Variants in ENTR1 observed in about 807,000 individuals in gnomAD.
ENTR1 encodes the protein endosome associated trafficking regulator 1, also known as endosome-associated-trafficking regulator 1.
A neutral mutation model predicts 47.9 loss-of-function variants in ENTR1; 47 were observed. The observed-to-expected ratio is 0.98, with a 90% CI of 0.78 to 1.25. ENTR1 has a LOEUF of 1.25. ENTR1 is among the 50% of genes most tolerant of loss of function. The pLI is 0.00. For synonymous variants in ENTR1, 290 were observed against 245.8 expected (o/e 1.18, Z -1.68); for missense variants, 668 against 570.5 (o/e 1.17, Z -1.74).
At chr9:136,404,016 T>C (rs763102581) in intron 9 of ENTR1, 39 bp downstream of exon 9, 4 of 1,552,130 alleles carry the variant, frequency 2.6e-6, no homozygotes, top group Non-Finnish European at 3.5e-6. Context: ...ATCTCACCCC[T>C]TTCCCCGCCA....
intron 3 of ENTR1, 103 bp downstream of exon 3, chr9:136,408,896 T>A: frequency 2.3e-6 from 2 of 853,852 alleles, no homozygotes; most frequent in Non-Finnish European, 3.9e-6. Context: ...TCTTTTGGGC[T>A]CCAGCTACAC....
intron 1 of ENTR1, 37 bp from the exon 2 acceptor site, chr9:136,410,276 G>A (rs1190433740): frequency 2.6e-6 from 4 of 1,552,912 alleles, no homozygotes; most frequent in East Asian, 2.4e-5. Flanking sequence ...ACTGCGTGCC[G>A]GGGCGGCCGC....
At chr9:136,407,616 C>T (rs1051729919) in intron 4 of ENTR1, 55 bp from the exon 5 acceptor site, 8 of 1,500,158 alleles carry the variant, frequency 5.3e-6, no homozygotes, top group Non-Finnish European at 7.1e-6. Context: ...ACTCGGAGCG[C>T]ATCTTCCTTT....
rs888932587 is a variant in ENTR1 at position 136,405,282 on chromosome 9, T to C, written c.894-80A>G. On this transcript the variant is annotated intron_variant, in intron 6 of 9. Coordinates refer to ENST00000357365, the MANE Select transcript of ENTR1 (RefSeq NM_001039707.2). ...ACAAAAAGATACCTCATGAGCCAGA[T>C]AAAACCCGCTAAGAGCCTGTGATGG... 4 of 1,109,636 alleles carry C rather than the reference T, an allele frequency of 3.6e-6. No homozygotes were observed. The African/African-American group carries it at 4.6e-5, about 13-fold the overall frequency. The allele number at this position is 1,109,636 out of a possible 1,614,324, so 68.7% of individuals were successfully genotyped here. A position where few individuals can be genotyped will look rare whatever the true frequency, so the allele number is the denominator to read the frequency against.
At chr9:136,408,878 C>T in intron 3 of ENTR1, 121 bp downstream of exon 3, 1 of 705,418 alleles carries the variant, frequency 1.4e-6, no homozygotes. Context: ...AATCCCACCC[C>T]CACCTGCTCT....
At chr9:136,407,753 C>G in intron 4 of ENTR1, 73 bp downstream of exon 4, 2 of 1,397,914 alleles carry the variant, frequency 1.4e-6, no homozygotes, top group Non-Finnish European at 2.0e-6. Context: ...ATGCACGATT[C>G]CTCCAAAGGA....
chr9:136,405,074 AGAG>A lies in ENTR1; in HGVS notation c.1005+14_1005+16del, dbSNP rs757722828. On this transcript the variant is annotated intron_variant, in intron 7 of 9. Transcript: ENST00000357365. ...CTGCCCCACCCAGCTCGTCCGATTC[AGAG>A]AAGAAACCCATACGGTCATCAGCTC... 7 of 1,601,728 alleles carry A rather than the reference AGAG, an allele frequency of 4.4e-6. No homozygotes were observed. In the East Asian group the frequency reaches 6.7e-5, roughly 15 times the overall value.
chr9:136,403,094 A>T (rs1189576728), intron 9 of ENTR1, among the ~76,000 whole-genome samples: 1 of 47,344 alleles, frequency 2.1e-5, no homozygotes. Context: ...GGGGGCAGAA[A>T]GGGGAGGGGT....
rs186953177 is a variant in ENTR1, at chr9:136,407,354, C to T, written c.610G>A (p.Gly204Ser). The T allele has an allele frequency of 1.8e-4, 286 of 1,607,368 alleles. No individual in the cohort carries two copies. The African/African-American group carries it at 2.8e-3, about 16-fold the overall frequency. Residue 204 changes from glycine (G) to serine (S), a missense_variant, in exon 5 of 10, where the codon GGC (glycine) becomes AGC (serine). Gly to Ser is a moderately conservative substitution (Grantham distance 56). Coordinates refer to ENST00000357365, the MANE Select transcript of ENTR1 (RefSeq NM_001039707.2). ...AGGTATGTGCTGCAGGGCGACGTGC[C>T]GGCAGGGACCCTCTCGGGGTGAGTC... The part of the protein sequence containing the change: ...EQTHPERVPA[G>S]TSPCSTYLSF...
chr9:136,406,960 C>T (rs766773577), intron 5 of ENTR1, 185 bp downstream of exon 5: 32 of 606,460 alleles, frequency 5.3e-5, no homozygotes, highest in Non-Finnish European at 7.4e-5. Flanking sequence ...CCTCTTTAGC[C>T]GGTTCTATTC....
chr9:136,402,746 A>G lies in ENTR1; in HGVS notation c.*42T>C. 7.4e-7 allele frequency: 1 copy of G among 1,355,728 alleles called. No homozygotes were observed. Among genetic ancestry groups the G allele is most frequent in the Non-Finnish European group, 1.1e-6 (1 of 947,808 alleles). The allele number at this position is 1,355,728 out of a possible 1,614,324, so 84.0% of individuals were successfully genotyped here. A position where few individuals can be genotyped will look rare whatever the true frequency, so the allele number is the denominator to read the frequency against. ...ATTTAGATCGAGCGGTGGTGACCTC[A>G]GGGTATACACGGAGCTTCATGCTGA... On this transcript the variant is annotated 3_prime_UTR_variant, in exon 10 of 10. Coordinates refer to ENST00000357365, the MANE Select transcript of ENTR1 (RefSeq NM_001039707.2).
intron 5 of ENTR1, among the ~76,000 whole-genome samples, chr9:136,406,271 C>G (rs1341839000): frequency 6.6e-6 from 1 of 151,964 alleles, no homozygotes; most frequent in African/African-American, 2.4e-5. Flanking sequence ...AGTTTGAGAC[C>G]AGCCTGGCCA....
rs1299005239 is a variant in ENTR1, at chr9:136,407,524, G to A, written c.440C>T (p.Ser147Phe). 3.1e-6 allele frequency: 5 copies of A among 1,610,406 alleles called. No homozygotes were observed. Among genetic ancestry groups the A allele is most frequent in the Non-Finnish European group, 4.2e-6 (5 of 1,179,446 alleles). ...ATACCCGCCGGTTTGGGAGGGTGGG[G>A]AGTTGTGGTCAAGTCCCAGGGAATG... ...SRHSLGLDHN[S>F]PPSQTGGYGL... Residue 147 changes from serine to phenylalanine, a missense_variant, in exon 5 of 10, where the codon TCC (serine) becomes TTC (phenylalanine). By Grantham distance (155) the Ser-to-Phe change is radical (BLOSUM62 -2). Transcript: ENST00000357365.
intron 9 of ENTR1, among the ~76,000 whole-genome samples, chr9:136,403,341 G>A: frequency 8.9e-6 from 1 of 111,942 alleles, no homozygotes; most frequent in Non-Finnish European, 1.9e-5. Context: ...AAGGGACAGG[G>A]TTCCAGGGAG....
Position 136,404,642 on chromosome 9 carries a change from TG to T in ENTR1, c.1056del (p.Ser353ValfsTer25). On this transcript the variant is annotated frameshift_variant, in exon 8 of 10. Transcript: ENST00000357365. LOFTEE classifies it high-confidence loss of function. ...CTTCCTTTAATTACCTGGAGCAAACTGATTTCCTGTTTTAGTTTCACGACGT... is the reference window on the plus strand; with the variant it reads ...CTTCCTTTAATTACCTGGAGCAAACTATTTCCTGTTTTAGTTTCACGACGT... ...ENHVVKLKQE[I>X]SLLQAQVSNF... 6.2e-7 allele frequency: 1 copy of T among 1,614,096 alleles called. No homozygotes were observed. The highest frequency in any genetic ancestry group is 1.1e-5 in the South Asian group (1 of 91,088).
At position 136,407,971 on chromosome 9, in the gene ENTR1, C is replaced by T. The variant is rs200223861; in HGVS notation, c.290-33G>A. On this transcript the variant is annotated intron_variant, in intron 3 of 9. Coordinates refer to ENST00000357365, the MANE Select transcript of ENTR1 (RefSeq NM_001039707.2). Reference sequence around the variant, plus strand: ...AACAGACATCACAAATGCATAAAGTCTACTGAAGAGCGTTGAAAGGGAACC... The same window carrying T: ...AACAGACATCACAAATGCATAAAGTTTACTGAAGAGCGTTGAAAGGGAACC... 180 of 1,401,006 alleles carry T rather than the reference C, an allele frequency of 1.3e-4. 1 individual carries two copies. Among genetic ancestry groups the T allele is most frequent in the Non-Finnish European group, 1.7e-4 (169 of 988,320 alleles). 86.8% of individuals were successfully genotyped at this position (1,401,006 alleles called of 1,614,324 possible). A position where few individuals can be genotyped will look rare whatever the true frequency, so the allele number is the denominator to read the frequency against.
rs773366881 is a variant in ENTR1, at chr9:136,407,517, G to A, written c.447C>T (p.Pro149=). ...HSLGLDHNSP[P]SQTGGYGLEY... is the part of the protein sequence containing the mutation. ...CCAGGCCATACCCGCCGGTTTGGGA[G>A]GGTGGGGAGTTGTGGTCAAGTCCCA... Residue 149 remains proline, a synonymous_variant, in exon 5 of 10, where the codon CCC becomes CCT. Transcript: ENST00000357365. 3.7e-6 allele frequency: 6 copies of A among 1,611,038 alleles called. No individual in the cohort carries two copies. The highest frequency in any genetic ancestry group is 5.1e-6 in the Non-Finnish European group (6 of 1,179,726).
In ENTR1 at chr9:136,405,437, A is replaced by G. The variant is rs561644054; in HGVS notation, c.894-235T>C. On this transcript the variant is annotated intron_variant, in intron 6 of 9. Transcript: ENST00000357365. ...CAAGGTGTTTGGTGGCTTTTTGCCT[A>G]AAGTTTAAAATAAACCTTGGCCAGG... 1.8e-5 allele frequency: 9 copies of G among 509,208 alleles called. No homozygotes were observed. In the Middle Eastern group the frequency reaches 1.6e-3, roughly 92 times the overall value. The allele number at this position is 509,208 out of a possible 1,614,324, so 31.5% of individuals were successfully genotyped here.
Position 136,410,559 on chromosome 9 carries a change from C to G in ENTR1, c.-162G>C, listed in dbSNP as rs1310089131. 8.7e-7 allele frequency: 1 copy of G among 1,144,688 alleles called. No homozygotes were observed. The highest frequency in any genetic ancestry group is 1.6e-5 in the African/African-American group (1 of 62,850). The allele number at this position is 1,144,688 out of a possible 1,614,324, so 70.9% of individuals were successfully genotyped here. On this transcript the variant is annotated 5_prime_UTR_variant, in exon 1 of 10. Coordinates refer to ENST00000357365, the MANE Select transcript of ENTR1 (RefSeq NM_001039707.2). Reference sequence around the variant, plus strand: ...CCTCCGAGCCTCTCGCCGCTGCTTCCGCTCCGAGCACCGAAAGCGCGTGCC... The same window carrying G: ...CCTCCGAGCCTCTCGCCGCTGCTTCGGCTCCGAGCACCGAAAGCGCGTGCC...
Sources: allele counts gnomAD v4.1 joint callset (sites outside exome capture counted in the v4.1 genomes callset), GRCh38; gene constraint gnomAD v4.1.1; transcripts MANE v1.5; gene names NCBI Gene and HGNC (gene_info 2026-07-23, HGNC 2026-07-21).